RBM33: variants seen among roughly 807,000 people sequenced by gnomAD.
RBM33 encodes RNA-binding protein 33.
A neutral mutation model predicts 132.6 loss-of-function variants in RBM33; 28 were observed. That is an observed-to-expected ratio of 0.21 (90% CI 0.16 to 0.29). RBM33 has a LOEUF of 0.29. Among genes scored for constraint, RBM33 ranks in the 10% least tolerant of loss-of-function variants. The pLI is 1.00. For synonymous variants in RBM33, 634 were observed against 593.0 expected, an observed-to-expected ratio of 1.07 and a Z score of -1.01; for missense variants, 1,291 against 1,518.5, an observed-to-expected ratio of 0.85 and a Z score of 2.49.
chr7:155,698,795 GT>G (rs2116954363), intron 5 of RBM33, among the ~76,000 whole-genome samples: 1 of 152,248 alleles, frequency 6.6e-6, no homozygotes, highest in East Asian at 1.9e-4. Flanking sequence ...AGATTGACTT[GT>G]TTTACTCAGT....
intron 9 of RBM33, among the ~76,000 whole-genome samples, chr7:155,731,815 A>C (rs990051634): frequency 1.3e-5 from 2 of 152,234 alleles, no homozygotes; most frequent in Non-Finnish European, 2.9e-5. Flanking sequence ...TGGCAGTAAG[A>C]TACAATCATG....
chr7:155,747,051 T>G (rs957571117), intron 14 of RBM33, among the ~76,000 whole-genome samples: 4 of 152,218 alleles, frequency 2.6e-5, no homozygotes, highest in African/African-American at 9.6e-5. Context: ...AACAAAACTT[T>G]GACTTTTTCA....
At chr7:155,730,528 A>G (rs1039055911) in intron 9 of RBM33, among the ~76,000 whole-genome samples, 5 of 152,196 alleles carry the variant, frequency 3.3e-5, no homozygotes, top group Admixed American at 6.5e-5. Context: ...TGTTTTGTAG[A>G]TGAGCAAACT....
At chr7:155,759,415 CTT>C (rs58449648) in intron 14 of RBM33, among the ~76,000 whole-genome samples, 19,946 of 112,606 alleles carry the variant, frequency 0.18, 896 homozygotes, top group East Asian at 0.25. Context: ...TGTTTATGTT[CTT>C]TTTTTTTTTT....
At chr7:155,675,692 T>C (rs1035034017) in intron 3 of RBM33, among the ~76,000 whole-genome samples, 1 of 152,224 alleles carries the variant, frequency 6.6e-6, no homozygotes, top group South Asian at 2.1e-4. Context: ...TATGATGATA[T>C]TTTAATGGAC....
intron 1 of RBM33, among the ~76,000 whole-genome samples, chr7:155,648,875 A>C (rs1474517589): frequency 2.0e-5 from 3 of 152,130 alleles, no homozygotes; most frequent in African/African-American, 4.8e-5. Context: ...ATTGACTGTT[A>C]ATCTTATGGA....
At chr7:155,644,989 C>G (rs1798137094) in intron 1 of RBM33, 70 bp downstream of exon 1, 2 of 1,258,956 alleles carry the variant, frequency 1.6e-6, no homozygotes, top group Non-Finnish European at 2.1e-6. Flanking sequence ...GCCGGGGGGC[C>G]TCCCCGCTTA....
chr7:155,660,232 C>G (rs960165429), intron 1 of RBM33, among the ~76,000 whole-genome samples: 8 of 152,084 alleles, frequency 5.3e-5, no homozygotes, highest in African/African-American at 1.9e-4. Context: ...CACCACCACA[C>G]CCAGCTAAGT....
At chr7:155,738,518 G>C in intron 11 of RBM33, 115 bp downstream of exon 11, 1 of 1,023,452 alleles carries the variant, frequency 9.8e-7, no homozygotes, top group Middle Eastern at 2.4e-4. Context: ...TTAAAGAATA[G>C]AGTATTAGTC....
chr7:155,657,522 G>A (rs1325605887), intron 1 of RBM33, among the ~76,000 whole-genome samples: 1 of 151,740 alleles, frequency 6.6e-6, no homozygotes, highest in Non-Finnish European at 1.5e-5. Context: ...TTCTTATTTT[G>A]GTCTCACTGT....
chr7:155,713,922 G>A (rs1361808878), intron 8 of RBM33, among the ~76,000 whole-genome samples: 3 of 152,112 alleles, frequency 2.0e-5, no homozygotes, highest in Non-Finnish European at 2.9e-5. Flanking sequence ...CACAGCTGGG[G>A]CAGATGGATG....
rs1430140254 is a variant in RBM33 at position 155,775,307 on chromosome 7, C to T, written c.*266C>T. On this transcript the variant is annotated 3_prime_UTR_variant, in exon 18 of 18. Transcript: ENST00000401878. The stretch of plus-strand genomic sequence containing the variant: ...CAAGTTTTTCGTTTTGTTTTGTTTT[C>T]AAAGTGCTTACAATGCATGTAGACA... 1.3e-5 allele frequency: 8 copies of T among 596,704 alleles called. No individual in the cohort carries two copies. In the Admixed American group the frequency reaches 1.3e-4, roughly 10 times the overall value. The allele number at this position is 596,704 out of a possible 1,614,324, so 37.0% of individuals were successfully genotyped here.
At position 155,700,826 on chromosome 7, in the gene RBM33, A is replaced by T. The variant is rs768319432; in HGVS notation, c.621A>T (p.Glu207Asp). The T allele has an allele frequency of 5.9e-5, 95 of 1,597,196 alleles. No individual in the cohort carries two copies. Among genetic ancestry groups the T allele is most frequent in the Middle Eastern group, 3.3e-4 (2 of 6,072 alleles). ...LQKDIKEESD[E>D]EEEDDEESGR... Reference sequence around the variant, plus strand: ...AGGACATCAAAGAAGAATCAGATGAAGAAGAAGAAGATGATGAAGAATCTG... The same window carrying T: ...AGGACATCAAAGAAGAATCAGATGATGAAGAAGAAGATGATGAAGAATCTG... The change falls in exon 6 of 18, where the codon GAA (glutamate) becomes GAT (aspartate). Residue 207 changes from glutamate to aspartate, a missense_variant. This residue lies in a region of RBM33 where 194 missense variants were observed against 249.8 expected (regional missense o/e 0.78). Transcript: ENST00000401878.
intron 5 of RBM33, among the ~76,000 whole-genome samples, chr7:155,694,062 T>C (rs545586986): frequency 6.6e-6 from 1 of 152,324 alleles, no homozygotes; most frequent in South Asian, 2.1e-4. Context: ...TCTGCATTGC[T>C]TAAGACTGGC....
Position 155,673,667 on chromosome 7 carries a change from CATACACACGTGTATATATAT to C in RBM33, c.171+754_171+773del, listed in dbSNP as rs1415113554. On this transcript the variant is annotated intron_variant, in intron 3 of 17. Transcript: ENST00000401878. ...ACACGTGTATATATACACACATATACATACACACGTGTATATATATACACACATATATACATACACACGTG... is the reference window on the plus strand; with the variant it reads ...ACACGTGTATATATACACACATATACACACACATATATACATACACACGTG... Among the ~76,000 whole-genome samples, 157 of 123,744 alleles carry C rather than the reference CATACACACGTGTATATATAT, an allele frequency of 1.3e-3. 9 individuals carry two copies. The highest frequency in any genetic ancestry group is 4.7e-3 in the African/African-American group (135 of 28,488). The allele number at this position is 123,744 out of a possible 152,430, so 81.2% of individuals were successfully genotyped here. A position where few individuals can be genotyped will look rare whatever the true frequency, so the allele number is the denominator to read the frequency against.
intron 9 of RBM33, among the ~76,000 whole-genome samples, chr7:155,722,228 T>C: frequency 6.6e-6 from 1 of 152,234 alleles, no homozygotes; most frequent in South Asian, 2.1e-4. Flanking sequence ...TAACATGTCC[T>C]GTGTGACTGA....
At chr7:155,754,329 A>G (rs1469900312) in intron 14 of RBM33, among the ~76,000 whole-genome samples, 2 of 152,206 alleles carry the variant, frequency 1.3e-5, no homozygotes, top group Non-Finnish European at 2.9e-5. Flanking sequence ...TCAACAGCCT[A>G]CCCAGGTAGG....
intron 14 of RBM33, among the ~76,000 whole-genome samples, chr7:155,757,504 C>T (rs1801889327): frequency 1.3e-5 from 2 of 152,056 alleles, no homozygotes; most frequent in Admixed American, 1.3e-4. Flanking sequence ...AATTGTTGAT[C>T]CCGTTTGTTT....
intron 3 of RBM33, among the ~76,000 whole-genome samples, chr7:155,677,256 G>A (rs1799211944): frequency 7.4e-6 from 1 of 134,788 alleles, no homozygotes; most frequent in Non-Finnish European, 1.6e-5. Flanking sequence ...TTTCGTTCTT[G>A]TTTCCCAGGC....
Sources: allele counts gnomAD v4.1 joint callset (sites outside exome capture counted in the v4.1 genomes callset), GRCh38; gene constraint gnomAD v4.1.1; regional missense constraint gnomAD v4.1.1; transcripts MANE v1.5; gene names NCBI Gene and HGNC (gene_info 2026-07-23, HGNC 2026-07-21).